The following TSPAN9 variants were observed in gnomAD, a reference collection of about 807,000 sequenced individuals.
The protein encoded by TSPAN9 is tetraspanin-9.
In TSPAN9, 16 loss-of-function variants were observed where a neutral mutation model predicts 31.0. The ratio of observed to expected loss-of-function variants is 0.52; its 90% CI spans 0.35 to 0.78. The LOEUF (loss-of-function observed/expected upper bound fraction) is 0.78. Among genes scored for constraint, TSPAN9 ranks in the 30% least tolerant of loss-of-function variants. TSPAN9 has a pLI of 0.01. For synonymous variants in TSPAN9, 145 were observed against 121.6 expected (o/e 1.19, Z -1.27); for missense variants, 272 against 312.5 (o/e 0.87, Z 0.98).
At chr12:3,132,986 T>C (rs2098330482) in intron 2 of TSPAN9, among the ~76,000 whole-genome samples, 1 of 152,166 alleles carries the variant, frequency 6.6e-6, no homozygotes, top group Non-Finnish European at 1.5e-5. Flanking sequence ...TGTAAGAGCC[T>C]CACTCCCCAA....
At chr12:3,270,793 A>G (rs931929783) in intron 3 of TSPAN9, among the ~76,000 whole-genome samples, 2 of 152,354 alleles carry the variant, frequency 1.3e-5, no homozygotes, top group East Asian at 3.9e-4. Flanking sequence ...TTCCACCCCA[A>G]TATACACTTC....
intron 3 of TSPAN9, among the ~76,000 whole-genome samples, chr12:3,201,764 C>T (rs1184090767): frequency 6.6e-6 from 1 of 152,208 alleles, no homozygotes; most frequent in African/African-American, 2.4e-5. Context: ...GTTCCCACTC[C>T]TTTCGGTGAA....
chr12:3,215,569 C>G (rs2098380972), intron 3 of TSPAN9, among the ~76,000 whole-genome samples: 1 of 152,198 alleles, frequency 6.6e-6, no homozygotes, highest in Admixed American at 6.5e-5. Context: ...CTAGAGGGCC[C>G]TAAAGCTGTG....
intron 2 of TSPAN9, among the ~76,000 whole-genome samples, chr12:3,165,192 C>G (rs2098347651): frequency 1.3e-5 from 2 of 152,138 alleles, no homozygotes. Flanking sequence ...AGGCCTAACT[C>G]AGCTGCTGTT....
At chr12:3,213,425 G>A (rs2098379779) in intron 3 of TSPAN9, among the ~76,000 whole-genome samples, 2 of 103,928 alleles carry the variant, frequency 1.9e-5, no homozygotes, top group Non-Finnish European at 4.3e-5. Context: ...CTGGGCTCTG[G>A]GCAGGAGCTC....
At chr12:3,093,265 G>T (rs141210634) in intron 2 of TSPAN9, among the ~76,000 whole-genome samples, 3 of 152,336 alleles carry the variant, frequency 2.0e-5, no homozygotes, top group African/African-American at 7.2e-5. Context: ...CCCATCAGCC[G>T]AAGTAGATGG....
intron 3 of TSPAN9, among the ~76,000 whole-genome samples, chr12:3,229,285 A>G (rs371437772): frequency 2.0e-5 from 3 of 152,164 alleles, no homozygotes; most frequent in East Asian, 3.9e-4. Context: ...AGGGGCAGCA[A>G]ATAGAATCAA....
intron 2 of TSPAN9, among the ~76,000 whole-genome samples, chr12:3,175,232 T>G (rs922331929): frequency 6.6e-6 from 1 of 152,164 alleles, no homozygotes; most frequent in Admixed American, 6.5e-5. Flanking sequence ...CAACCAGAAC[T>G]GGGAGGGAGA....
intron 3 of TSPAN9, among the ~76,000 whole-genome samples, chr12:3,273,873 G>T (rs1165329504): frequency 6.6e-6 from 1 of 152,106 alleles, no homozygotes; most frequent in Non-Finnish European, 1.5e-5. Flanking sequence ...CTCCCTCCCC[G>T]ATCTCAGCCC....
chr12:3,105,152 T>TC lies in TSPAN9; in HGVS notation c.-18+21433_-18+21434insC, dbSNP rs1460599644. 4.6e-5 allele frequency among the ~76,000 whole-genome samples: 7 copies of TC among 152,298 alleles called. No homozygotes were observed. The East Asian group carries it at 1.4e-3, about 29-fold the overall frequency. ...CTGGGCCTACAGGACCCTGTGTCTT[T>TC]GTGTTCAGACAAGCCCTGCTGTGTA... On this transcript the variant is annotated intron_variant, in intron 2 of 8. Coordinates refer to ENST00000011898, the MANE Select transcript of TSPAN9 (RefSeq NM_006675.5).
At position 3,143,249 on chromosome 12, in the gene TSPAN9, T is replaced by A. The variant is rs1020105525; in HGVS notation, c.-17-57928T>A. Among the ~76,000 whole-genome samples, 3 of 148,672 alleles carry A rather than the reference T, an allele frequency of 2.0e-5. No homozygotes were observed. Among genetic ancestry groups the A allele is most frequent in the African/African-American group, 7.3e-5 (3 of 40,836 alleles). On this transcript the variant is annotated intron_variant, in intron 2 of 8. Transcript: ENST00000011898. The surrounding 1 kb of genome is among the most constrained non-coding windows in gnomAD (Gnocchi z 4.2). ...GCCCCTTTTTCTTTATAATTAATAATATTTATAGTTATATTAATCATAATT... is the reference window on the plus strand; with the variant it reads ...GCCCCTTTTTCTTTATAATTAATAAAATTTATAGTTATATTAATCATAATT...
intron 2 of TSPAN9, among the ~76,000 whole-genome samples, chr12:3,165,694 C>T (rs750045137): frequency 3.3e-5 from 5 of 152,082 alleles, no homozygotes; most frequent in African/African-American, 4.8e-5. Context: ...CTCAAGGCCG[C>T]GAGTGAGCTG....
At chr12:3,234,996 T>TA (rs1422845377) in intron 3 of TSPAN9, among the ~76,000 whole-genome samples, 2 of 142,538 alleles carry the variant, frequency 1.4e-5, no homozygotes, top group Admixed American at 1.4e-4. Context: ...CCATCTCTAC[T>TA]AAAAAAATAC....
rs540048725 is a variant in TSPAN9 at position 3,170,947 on chromosome 12, C to A, written c.-17-30230C>A. ...GATGACTAATAGACGTCCTAATGTA[C>A]TGAAAAGCACACTCGTTGCCTCCCC... On this transcript the variant is annotated intron_variant, in intron 2 of 8. Transcript: ENST00000011898. The surrounding 1 kb of genome is among the most constrained non-coding windows in gnomAD (Gnocchi z 4.4). Among the ~76,000 whole-genome samples, 18 of 152,304 alleles carry A rather than the reference C, an allele frequency of 1.2e-4. No individual in the cohort carries two copies. The South Asian group carries it at 2.1e-3, about 18-fold the overall frequency.
chr12:3,138,404 G>A (rs552242598), intron 2 of TSPAN9, among the ~76,000 whole-genome samples: 59 of 152,260 alleles, frequency 3.9e-4, no homozygotes, highest in African/African-American at 1.3e-3. Flanking sequence ...GGGATGGGAA[G>A]AGGCCCCAGT....
intron 3 of TSPAN9, among the ~76,000 whole-genome samples, chr12:3,268,861 C>T (rs545036441): frequency 8.1e-6 from 1 of 123,088 alleles, no homozygotes; most frequent in East Asian, 3.2e-4. Flanking sequence ...TGCATTCCTG[C>T]AGCCTGCCCT....
intron 3 of TSPAN9, among the ~76,000 whole-genome samples, chr12:3,268,940 C>T (rs1396517122): frequency 1.7e-5 from 2 of 117,508 alleles, no homozygotes; most frequent in Non-Finnish European, 3.4e-5. Context: ...AGCCTGCCCT[C>T]TCTGTGTTCC....
chr12:3,196,865 T>C (rs2098367294), intron 2 of TSPAN9, among the ~76,000 whole-genome samples: 1 of 152,122 alleles, frequency 6.6e-6, no homozygotes, highest in African/African-American at 2.4e-5. Context: ...TAATCAGAAA[T>C]GAAGATGGAA....
intron 3 of TSPAN9, among the ~76,000 whole-genome samples, chr12:3,214,777 GAC>G (rs985777706): frequency 2.0e-5 from 3 of 152,022 alleles, no homozygotes; most frequent in Admixed American, 1.3e-4. Context: ...CACCTTGTTT[GAC>G]ACACAGAACT....
Sources: gnomAD v4.1 joint callset for allele counts (sites outside exome capture counted in the v4.1 genomes callset) on GRCh38, gnomAD v4.1.1 for gene constraint, Gnocchi (gnomAD v3.1) non-coding constraint, MANE v1.5 for transcripts, NCBI Gene and HGNC (gene_info 2026-07-23, HGNC 2026-07-21) for gene names.